Variants in ESRRG observed in about 807,000 individuals in gnomAD.
ESRRG encodes estrogen-related receptor gamma.
Under a neutral mutation model 44.0 loss-of-function variants are expected in ESRRG, and 13 were observed. That is an observed-to-expected ratio of 0.30 (90% confidence interval 0.19 to 0.47). The LOEUF is 0.47. Among genes scored for constraint, ESRRG ranks in the 20% least tolerant of loss-of-function variants. The pLI is 1.00. For missense variants in ESRRG, 395 were observed against 580.6 expected, an observed-to-expected ratio of 0.68 and a Z score of 3.29; for synonymous variants, 215 against 214.6, an observed-to-expected ratio of 1.00 and a Z score of -0.02.
intron 1 of ESRRG, among the ~76,000 whole-genome samples, chr1:217,095,798 T>A (rs1212873345): frequency 6.6e-6 from 1 of 152,164 alleles, no homozygotes; most frequent in Non-Finnish European, 1.5e-5. Flanking sequence ...GGAGGAAGGT[T>A]GGGGCCCAGG....
At chr1:217,076,597 T>C (rs2091320298) in intron 1 of ESRRG, among the ~76,000 whole-genome samples, 1 of 152,230 alleles carries the variant, frequency 6.6e-6, no homozygotes. Flanking sequence ...AGTATCTGCA[T>C]GTGCTTATTA....
intron 5 of ESRRG, among the ~76,000 whole-genome samples, chr1:216,519,873 A>C (rs1173978553): frequency 6.6e-6 from 1 of 151,876 alleles, no homozygotes; most frequent in East Asian, 1.9e-4. Context: ...AAAGGTAAAC[A>C]AACAATTTAG....
chr1:216,560,383 C>T (rs1254908527), intron 5 of ESRRG, among the ~76,000 whole-genome samples: 1 of 152,038 alleles, frequency 6.6e-6, no homozygotes, highest in African/African-American at 2.4e-5. Flanking sequence ...TAAACAAAGA[C>T]AATTTTTTCT....
intron 2 of ESRRG, among the ~76,000 whole-genome samples, chr1:216,857,137 T>C (rs895335152): frequency 1.3e-5 from 2 of 152,066 alleles, no homozygotes; most frequent in Admixed American, 1.3e-4. Flanking sequence ...AAAAAAGGCA[T>C]TGCTATGCAA....
chr1:216,792,316 A>G (rs1159491610), intron 2 of ESRRG, among the ~76,000 whole-genome samples: 1 of 152,172 alleles, frequency 6.6e-6, no homozygotes, highest in African/African-American at 2.4e-5. Context: ...CAGTCTAAGC[A>G]TAAGTACAGT....
intron 3 of ESRRG, among the ~76,000 whole-genome samples, chr1:216,615,243 C>T (rs1005152839): frequency 6.6e-6 from 1 of 152,162 alleles, no homozygotes; most frequent in Non-Finnish European, 1.5e-5. Context: ...CAGGTTAACA[C>T]CAACCTTCAG....
At chr1:216,712,766 A>G (rs1227971347) in intron 1 of ESRRG, among the ~76,000 whole-genome samples, 6 of 152,266 alleles carry the variant, frequency 3.9e-5, no homozygotes, top group Non-Finnish European at 7.3e-5. Context: ...TTTGAGCAAC[A>G]GCTTAAAAGC....
intron 1 of ESRRG, among the ~76,000 whole-genome samples, chr1:216,941,115 TC>T (rs1367020260): frequency 6.6e-6 from 1 of 152,124 alleles, no homozygotes; most frequent in East Asian, 1.9e-4. Flanking sequence ...AATGTGAGAA[TC>T]CAACCCTATT....
intron 1 of ESRRG, among the ~76,000 whole-genome samples, chr1:217,011,063 TAC>T (rs1242811565): frequency 6.6e-6 from 1 of 152,202 alleles, no homozygotes; most frequent in East Asian, 1.9e-4. Flanking sequence ...ATACCAAGGT[TAC>T]CACCAAACGC....
intron 1 of ESRRG, chr1:216,707,396 C>G (rs2082667153): frequency 6.5e-7 from 1 of 1,535,900 alleles, no homozygotes; most frequent in African/African-American, 1.4e-5. Flanking sequence ...TCAGACTTGA[C>G]TGCTCCAAGA....
At chr1:216,762,960 A>G (rs1223767804) in intron 2 of ESRRG, among the ~76,000 whole-genome samples, 1 of 152,092 alleles carries the variant, frequency 6.6e-6, no homozygotes, top group Non-Finnish European at 1.5e-5. Flanking sequence ...CATGTAACAA[A>G]TGATTTTTGG....
intron 2 of ESRRG, among the ~76,000 whole-genome samples, chr1:216,673,685 G>A (rs80335839): frequency 0.015 from 2,226 of 152,292 alleles, 30 homozygotes; most frequent in Non-Finnish European, 0.017. Flanking sequence ...CTATTGCAGA[G>A]CTATTAATGT....
At chr1:217,034,886 G>A (rs1424825179) in intron 1 of ESRRG, among the ~76,000 whole-genome samples, 2 of 151,982 alleles carry the variant, frequency 1.3e-5, no homozygotes, top group African/African-American at 4.8e-5. Context: ...TAAATTAGAG[G>A]GTCAAGACCC....
chr1:216,820,290 T>C (rs981666450), intron 2 of ESRRG, among the ~76,000 whole-genome samples: 6 of 152,208 alleles, frequency 3.9e-5, no homozygotes, highest in Non-Finnish European at 8.8e-5. Context: ...TTTAAGTTTA[T>C]TCTTACATTC....
At chr1:216,933,583 T>C (rs7548082) in intron 2 of ESRRG, among the ~76,000 whole-genome samples, 18,276 of 152,174 alleles carry the variant, frequency 0.12, 1,152 homozygotes, top group East Asian at 0.19. Flanking sequence ...TTCCAGACTT[T>C]CCGTACCTCA....
At chr1:216,725,639 CTA>C (rs1409054953), upstream of ESRRG, among the ~76,000 whole-genome samples, 2 of 151,986 alleles carry the variant, frequency 1.3e-5, no homozygotes, top group Non-Finnish European at 2.9e-5. Context: ...TCTGAATAAA[CTA>C]AAATTCTCAG....
At chr1:216,512,433 G>A (rs1334992748) in intron 6 of ESRRG, among the ~76,000 whole-genome samples, 2 of 151,904 alleles carry the variant, frequency 1.3e-5, no homozygotes, top group Non-Finnish European at 2.9e-5. Flanking sequence ...GAGGAACTTT[G>A]GAGTACAGAC....
chr1:216,518,808 C>T (rs1367543104), intron 6 of ESRRG, among the ~76,000 whole-genome samples: 1 of 152,142 alleles, frequency 6.6e-6, no homozygotes, highest in Non-Finnish European at 1.5e-5. Context: ...CAACAATTCC[C>T]TTGTTTTAAC....
At chr1:217,109,982 C>G (rs993870973) in intron 1 of ESRRG, among the ~76,000 whole-genome samples, 1 of 152,090 alleles carries the variant, frequency 6.6e-6, no homozygotes, top group East Asian at 1.9e-4. Flanking sequence ...TAAATCATCC[C>G]TGTTTATTTA....
Sources: gnomAD v4.1 joint callset for allele counts (sites outside exome capture counted in the v4.1 genomes callset) on GRCh38, gnomAD v4.1.1 for gene constraint, MANE v1.5 for transcripts, NCBI Gene and HGNC (gene_info 2026-07-23, HGNC 2026-07-21) for gene names.